The following STAB2 variants were observed in gnomAD, a reference collection of about 807,000 sequenced individuals.
STAB2 encodes the protein stabilin-2.
Under a neutral mutation model 338.1 loss-of-function variants are expected in STAB2, and 288 were observed. The ratio of observed to expected loss-of-function variants is 0.85; its 90% CI spans 0.77 to 0.94. The LOEUF (loss-of-function observed/expected upper bound fraction) is 0.94, where lower values mean the gene tolerates loss of function less well. Among genes scored for constraint, STAB2 ranks in the 40% least tolerant of loss-of-function variants. STAB2 has a pLI of 0.00. For synonymous variants in STAB2, 1,202 were observed against 1,193.3 expected (o/e 1.01, Z -0.15); for missense variants, 3,141 against 3,210.1 (o/e 0.98, Z 0.52).
chr12:103,668,757 C>T, intron 20 of STAB2, 28 bp downstream of exon 20: 1 of 1,516,554 alleles, frequency 6.6e-7, no homozygotes, highest in Non-Finnish European at 8.9e-7. Context: ...GAGGCCCAGT[C>T]TAGGCCAGTA....
At chr12:103,667,129 T>G (rs1209153514) in intron 19 of STAB2, among the ~76,000 whole-genome samples, 4 of 152,202 alleles carry the variant, frequency 2.6e-5, no homozygotes, top group Non-Finnish European at 5.9e-5. Context: ...GAATAGATCA[T>G]TAGGTAAGGT....
At chr12:103,726,189 C>G in intron 46 of STAB2, 26 bp downstream of exon 46, 2 of 1,613,212 alleles carry the variant, frequency 1.2e-6, no homozygotes, top group East Asian at 2.2e-5. Flanking sequence ...GTCTGTCTAG[C>G]CATAAGAGTT....
intron 19 of STAB2, among the ~76,000 whole-genome samples, chr12:103,667,014 G>A (rs1875172149): frequency 6.6e-6 from 1 of 152,176 alleles, no homozygotes; most frequent in Non-Finnish European, 1.5e-5. Context: ...GACTCTATTG[G>A]TGGTAAAAAG....
intron 67 of STAB2, 51 bp downstream of exon 67, chr12:103,762,453 G>C: frequency 6.2e-7 from 1 of 1,613,310 alleles, no homozygotes; most frequent in South Asian, 1.1e-5. Flanking sequence ...CAAAAACCCA[G>C]TCCCTGGACC....
chr12:103,673,054 C>T (rs73396019), intron 22 of STAB2, among the ~76,000 whole-genome samples: 10,157 of 152,198 alleles, frequency 0.067, 435 homozygotes, highest in African/African-American at 0.12. Flanking sequence ...GGAAGGCTGA[C>T]CTAGTGCCTT....
chr12:103,654,391 C>T (rs1874017196), intron 12 of STAB2, among the ~76,000 whole-genome samples, 164 bp from the exon 13 acceptor site: 1 of 152,198 alleles, frequency 6.6e-6, no homozygotes, highest in South Asian at 2.1e-4. Flanking sequence ...GTGAGGTTAA[C>T]AAAGCAGACA....
At chr12:103,757,024 TATATATAA>T (rs1422531529) in intron 63 of STAB2, among the ~76,000 whole-genome samples, 39 of 139,362 alleles carry the variant, frequency 2.8e-4, no homozygotes, top group African/African-American at 1.0e-3. Flanking sequence ...TATATATATA[TATATATAA>T]AATATATATA....
intron 11 of STAB2, among the ~76,000 whole-genome samples, chr12:103,651,054 CA>C (rs1593183112): frequency 6.6e-6 from 1 of 152,140 alleles, no homozygotes; most frequent in Admixed American, 6.5e-5. Context: ...TTTTAGTCTT[CA>C]GTGTGAGCAG....
intron 9 of STAB2, among the ~76,000 whole-genome samples, chr12:103,643,911 T>A (rs1200126316): frequency 3.0e-5 from 3 of 99,448 alleles, no homozygotes; most frequent in South Asian, 3.2e-4. Context: ...TACTGGGAAG[T>A]GAGGAGCCCC....
At chr12:103,649,707 T>A (rs932250457) in intron 10 of STAB2, among the ~76,000 whole-genome samples, 2 of 152,210 alleles carry the variant, frequency 1.3e-5, no homozygotes, top group African/African-American at 4.8e-5. Context: ...ACATCCCATT[T>A]TTCCCAAGGC....
intron 42 of STAB2, among the ~76,000 whole-genome samples, chr12:103,714,785 C>T (rs900736198): frequency 3.3e-5 from 5 of 151,758 alleles, no homozygotes; most frequent in Non-Finnish European, 7.4e-5. Flanking sequence ...ATATTGTATT[C>T]CCTTTGTTCC....
chr12:103,628,782 C>G (rs1357901280), intron 5 of STAB2, among the ~76,000 whole-genome samples: 1 of 152,148 alleles, frequency 6.6e-6, no homozygotes, highest in Non-Finnish European at 1.5e-5. Context: ...CTGCAATGAC[C>G]CTATTTCCCA....
At chr12:103,627,718 T>C (rs1957402060) in intron 5 of STAB2, among the ~76,000 whole-genome samples, 1 of 152,212 alleles carries the variant, frequency 6.6e-6, no homozygotes, top group South Asian at 2.1e-4. Flanking sequence ...GCCAGGGCCA[T>C]GGGCCAATAC....
At chr12:103,592,711 C>T (rs189028667) in intron 2 of STAB2, among the ~76,000 whole-genome samples, 71 of 152,218 alleles carry the variant, frequency 4.7e-4, no homozygotes, top group African/African-American at 1.6e-3. Context: ...GTGATAAGAA[C>T]GCTTAACATA....
chr12:103,688,180 C>A lies in STAB2; in HGVS notation c.3010C>A (p.Leu1004Ile). ...YGNAAVELSF[L>I]SEAAIFNRWI... ...TGATATGAATAAGGAATTGTCATTT[C>A]TCTCCGAAGCAGCTATATTTAACCG... is the stretch of plus-strand genomic sequence containing the variant. Residue 1004 changes from leucine (L) to isoleucine (I), a missense_variant, in exon 28 of 69, where the codon CTC becomes ATC. By Grantham distance (5) the Leu-to-Ile change is conservative (BLOSUM62 2). Coordinates refer to ENST00000388887, the MANE Select transcript of STAB2 (RefSeq NM_017564.10). 6.2e-7 allele frequency: 1 copy of A among 1,613,852 alleles called. No homozygotes were observed. The highest frequency in any genetic ancestry group is 1.3e-5 in the African/African-American group (1 of 75,044).
At chr12:103,756,439 C>T (rs1456353006) in intron 63 of STAB2, among the ~76,000 whole-genome samples, 1 of 151,894 alleles carries the variant, frequency 6.6e-6, no homozygotes, top group African/African-American at 2.4e-5. Context: ...ATTGTCTCCC[C>T]AAACCCTCAG....
chr12:103,617,607 C>G (rs993694574), intron 3 of STAB2, among the ~76,000 whole-genome samples: 2 of 152,236 alleles, frequency 1.3e-5, no homozygotes, highest in Admixed American at 1.3e-4. Context: ...CCCAGCTCCT[C>G]CCATGACACA....
In STAB2 at chr12:103,733,033, G is replaced by A. The variant is rs141905447; in HGVS notation, c.5311G>A (p.Asp1771Asn). Residue 1771 changes from aspartate to asparagine, a missense_variant, in exon 51 of 69, where the codon GAT (aspartate) becomes AAT (asparagine). Asp to Asn is a conservative substitution (Grantham distance 23). Coordinates refer to ENST00000388887, the MANE Select transcript of STAB2 (RefSeq NM_017564.10). Reference protein sequence around the residue: ...QDSGLLSVITDPIHTPVTLFW... With the variant: ...QDSGLLSVITNPIHTPVTLFW... The stretch of plus-strand genomic sequence containing the variant: ...CTCAGGTTTGCTGAGTGTCATCACC[G>A]ATCCCATCCACACCCCAGTCACTCT... 112 of 1,613,868 alleles carry A rather than the reference G, an allele frequency of 6.9e-5. No individual in the cohort carries two copies. In the African/African-American group the frequency reaches 1.2e-3, roughly 17 times the overall value.
intron 51 of STAB2, 99 bp from the exon 52 acceptor site, chr12:103,735,392 A>G (rs1191054271): frequency 2.9e-6 from 2 of 678,968 alleles, no homozygotes; most frequent in Non-Finnish European, 4.8e-6. Context: ...ACTCGTGGAA[A>G]AATTTGCATC....
Sources: allele counts gnomAD v4.1 joint callset (sites outside exome capture counted in the v4.1 genomes callset), GRCh38; gene constraint gnomAD v4.1.1; transcripts MANE v1.5; gene names NCBI Gene and HGNC (gene_info 2026-07-23, HGNC 2026-07-21).